GIN1: variants seen among roughly 807,000 people sequenced by gnomAD.
GIN1 encodes the protein gypsy retrotransposon integrase-like protein 1.
GIN1 carries 41 observed loss-of-function variants against 51.4 expected under a neutral mutation model. The ratio of observed to expected loss-of-function variants is 0.80; its 90% CI spans 0.62 to 1.04. The LOEUF (loss-of-function observed/expected upper bound fraction) is 1.04. Among genes scored for constraint, GIN1 ranks in the 50% least tolerant of loss-of-function variants. The probability of loss-of-function intolerance (pLI) is 0.00; values close to 1 mark genes in which losing one functional copy is unlikely to be tolerated. For synonymous variants in GIN1, 222 were observed against 206.5 expected, an observed-to-expected ratio of 1.07 and a Z score of -0.64; for missense variants, 610 against 612.4, an observed-to-expected ratio of 1.00 and a Z score of 0.04.
chr5:103,102,085 T>C (rs1266599664), intron 4 of GIN1, among the ~76,000 whole-genome samples: 2 of 152,204 alleles, frequency 1.3e-5, no homozygotes, highest in African/African-American at 4.8e-5. Flanking sequence ...ATACCACTAT[T>C]CCTAGGTTTA....
intron 6 of GIN1, 99 bp downstream of exon 6, chr5:103,097,215 G>A: frequency 1.4e-6 from 1 of 707,728 alleles, no homozygotes; most frequent in Non-Finnish European, 2.4e-6. Context: ...GTAAGTATGT[G>A]TGTGTGTGTG....
At chr5:103,099,901 A>G (rs1787521055) in intron 4 of GIN1, among the ~76,000 whole-genome samples, 1 of 152,178 alleles carries the variant, frequency 6.6e-6, no homozygotes, top group South Asian at 2.1e-4. Flanking sequence ...GTATTATGTT[A>G]TAATATTTAG....
chr5:103,089,928 A>G (rs182444573), intron 7 of GIN1, among the ~76,000 whole-genome samples: 2 of 152,310 alleles, frequency 1.3e-5, no homozygotes, highest in South Asian at 2.1e-4. Context: ...AGATGGCATA[A>G]GTGGGCTTGG....
intron 2 of GIN1, 144 bp downstream of exon 2, chr5:103,108,425 T>G (rs913547100): frequency 5.1e-6 from 3 of 588,204 alleles, no homozygotes; most frequent in Admixed American, 3.4e-5. Flanking sequence ...AATTTTTATT[T>G]TGCTTTTGAT....
chr5:103,117,381 AAAC>A (rs1257863393), intron 1 of GIN1, among the ~76,000 whole-genome samples: 5 of 50 alleles, frequency 0.1, no homozygotes, highest in South Asian at 0.5. Flanking sequence ...AAAATTTTAA[AAAC>A]AATGCCAACG....
chr5:103,119,048 T>A (rs1043230925), intron 1 of GIN1, among the ~76,000 whole-genome samples: 1 of 152,194 alleles, frequency 6.6e-6, no homozygotes, highest in Non-Finnish European at 1.5e-5. Context: ...GGGTCACATT[T>A]GGTTAAGCTT....
intron 7 of GIN1, among the ~76,000 whole-genome samples, chr5:103,094,100 A>T (rs1182065792): frequency 6.6e-6 from 1 of 152,216 alleles, no homozygotes; most frequent in African/African-American, 2.4e-5. Context: ...TATGTCAAAT[A>T]AAAACTTCAA....
intron 7 of GIN1, among the ~76,000 whole-genome samples, chr5:103,089,168 C>T (rs1319405890): frequency 6.6e-6 from 1 of 152,116 alleles, no homozygotes; most frequent in Non-Finnish European, 1.5e-5. Flanking sequence ...TCTTCCTGGT[C>T]AGTGTTTTAT....
intron 1 of GIN1, among the ~76,000 whole-genome samples, chr5:103,116,664 G>C (rs565682535): frequency 1.8e-4 from 28 of 151,952 alleles, no homozygotes; most frequent in African/African-American, 6.3e-4. Context: ...ATAACACTGG[G>C]ATAAAATATC....
chr5:103,104,931 A>C (rs1787683373), intron 3 of GIN1, 85 bp from the exon 4 acceptor site: 1 of 815,966 alleles, frequency 1.2e-6, no homozygotes, highest in Non-Finnish European at 1.9e-6. Context: ...TCTGAATTTT[A>C]AAATGGTTAA....
At chr5:103,115,656 A>C (rs576267236) in intron 1 of GIN1, among the ~76,000 whole-genome samples, 1 of 152,162 alleles carries the variant, frequency 6.6e-6, no homozygotes, top group Admixed American at 6.5e-5. Flanking sequence ...TGAACTGCAC[A>C]CTTAAAAATG....
intron 3 of GIN1, chr5:103,106,490 T>A (rs1787728457): frequency 2.9e-6 from 1 of 343,522 alleles, no homozygotes; most frequent in Non-Finnish European, 5.2e-6. Flanking sequence ...TTAAATAATC[T>A]CTTATTTAAA....
At chr5:103,115,859 A>T (rs1175490108) in intron 1 of GIN1, among the ~76,000 whole-genome samples, 1 of 152,162 alleles carries the variant, frequency 6.6e-6, no homozygotes, top group African/African-American at 2.4e-5. Flanking sequence ...GCAGCAGGGG[A>T]TGACATCCAA....
At chr5:103,089,315 A>G (rs78636824) in intron 7 of GIN1, among the ~76,000 whole-genome samples, 5,212 of 152,336 alleles carry the variant, frequency 0.034, 131 homozygotes, top group Middle Eastern at 0.058. Flanking sequence ...ATTCATTACA[A>G]TAAGAAACTC....
At position 103,106,747 on chromosome 5, in the gene GIN1, CAAT is replaced by C. The variant is rs1213563609; in HGVS notation, c.299_301del (p.Tyr100del). ...TTTGACATCATTGGTCACAGATGTC[CAAT>C]AATAATTGGATTCTACCAGAGTGAG... On this transcript the variant is annotated inframe_deletion, in exon 3 of 8. Coordinates refer to ENST00000399004, the MANE Select transcript of GIN1 (RefSeq NM_017676.2). 6.3e-7 allele frequency: 1 copy of C among 1,597,864 alleles called. No individual in the cohort carries two copies. Among genetic ancestry groups the C allele is most frequent in the Non-Finnish European group, 8.5e-7 (1 of 1,172,300 alleles).
intron 1 of GIN1, among the ~76,000 whole-genome samples, chr5:103,115,553 T>G (rs140465998): frequency 7.6e-4 from 115 of 152,216 alleles, no homozygotes; most frequent in African/African-American, 2.7e-3. Flanking sequence ...ATTATTTAAC[T>G]GGTCAAGAGT....
chr5:103,117,546 A>T (rs1395064980), intron 1 of GIN1, among the ~76,000 whole-genome samples: 1 of 151,628 alleles, frequency 6.6e-6, no homozygotes, highest in Non-Finnish European at 1.5e-5. Flanking sequence ...AATAATGTGC[A>T]GGGACATTTG....
Position 103,097,702 on chromosome 5 carries a change from T to C in GIN1, c.719A>G (p.Glu240Gly). The C allele has an allele frequency of 6.2e-7, 1 of 1,600,304 alleles. No individual in the cohort carries two copies. The highest frequency in any genetic ancestry group is 8.6e-7 in the Non-Finnish European group (1 of 1,167,344). Residue 240 changes from glutamate (E) to glycine (G), a missense_variant, in exon 5 of 8, where the codon GAA becomes GGA. Coordinates refer to ENST00000399004, the MANE Select transcript of GIN1 (RefSeq NM_017676.2). ...SHTSGTVNPTESTPNTIKAFL... is the reference protein window; with the variant it reads ...SHTSGTVNPTGSTPNTIKAFL... ...TGCTTTGATTGTGTTAGGTGTACTT[T>C]CCGTTGGGTTAACAGTTCCAGAGGT...
At chr5:103,097,181 C>CTGAT in intron 6 of GIN1, 133 bp downstream of exon 6, 1 of 635,400 alleles carries the variant, frequency 1.6e-6, no homozygotes, top group South Asian at 2.1e-5. Flanking sequence ...CAAGAAAAAT[C>CTGAT]TGATAGATAA....
Sources: gnomAD v4.1 joint callset for allele counts (sites outside exome capture counted in the v4.1 genomes callset) on GRCh38, gnomAD v4.1.1 for gene constraint, MANE v1.5 for transcripts, NCBI Gene and HGNC (gene_info 2026-07-23, HGNC 2026-07-21) for gene names.